Variants in NAA35 observed in about 807,000 individuals in gnomAD.
NAA35 encodes the protein MAK10 homolog, amino-acid N-acetyltransferase subunit.
A neutral mutation model predicts 101.7 loss-of-function variants in NAA35; 18 were observed. That is an observed-to-expected ratio of 0.18 (90% CI 0.12 to 0.26). The LOEUF is 0.26. NAA35 is among the 10% of genes least tolerant of loss of function. The pLI, the probability that NAA35 is intolerant of heterozygous loss-of-function variation, is 1.00. For synonymous variants in NAA35, 267 were observed against 273.1 expected, an observed-to-expected ratio of 0.98 and a Z score of 0.22; for missense variants, 601 against 886.8, an observed-to-expected ratio of 0.68 and a Z score of 4.09.
intron 3 of NAA35, 63 bp from the exon 4 acceptor site, chr9:85,958,409 T>G (rs962296057): frequency 1.4e-5 from 14 of 991,132 alleles, no homozygotes; most frequent in African/African-American, 3.3e-5. Flanking sequence ...TATACCGTTG[T>G]GAAAATATGA....
intron 6 of NAA35, among the ~76,000 whole-genome samples, chr9:85,964,621 T>C (rs1167990444): frequency 6.6e-6 from 1 of 152,254 alleles, no homozygotes; most frequent in East Asian, 1.9e-4. Flanking sequence ...TCTGGTGACA[T>C]TGATATTTTT....
At chr9:85,955,470 C>T (rs1037703966) in intron 2 of NAA35, among the ~76,000 whole-genome samples, 1 of 149,272 alleles carries the variant, frequency 6.7e-6, no homozygotes, top group Non-Finnish European at 1.5e-5. Context: ...TCACGCCATT[C>T]TCCTGCCTCA....
At chr9:86,012,763 T>C (rs1456291918) in intron 15 of NAA35, among the ~76,000 whole-genome samples, 1 of 152,222 alleles carries the variant, frequency 6.6e-6, no homozygotes, top group Non-Finnish European at 1.5e-5. Context: ...GGAAAGAAAT[T>C]GTCCTTGTGA....
intron 16 of NAA35, 48 bp from the exon 17 acceptor site, chr9:86,013,671 C>A: frequency 6.5e-7 from 1 of 1,542,610 alleles, no homozygotes. Context: ...TCTGTCATTA[C>A]CTTAAGAAAA....
In NAA35 at chr9:85,962,214, G is replaced by A. The variant is rs770263748; in HGVS notation, c.516+34G>A. On this transcript the variant is annotated intron_variant, in intron 6 of 22. Coordinates refer to ENST00000361671, the MANE Select transcript of NAA35 (RefSeq NM_024635.4). ...TCGTAATGTAAGAAATCCTTGGCCA[G>A]GTGCGGTGGCTCATGCCTGTAATCT... The A allele has an allele frequency of 3.1e-6, 5 of 1,601,660 alleles. No individual in the cohort carries two copies. The African/African-American group carries it at 5.4e-5, about 17-fold the overall frequency.
intron 2 of NAA35, among the ~76,000 whole-genome samples, chr9:85,947,105 A>G (rs940209761): frequency 4.6e-5 from 7 of 152,208 alleles, no homozygotes; most frequent in Admixed American, 6.5e-5. Context: ...GAACCACTGC[A>G]GTACATTAAA....
intron 17 of NAA35, among the ~76,000 whole-genome samples, chr9:86,016,266 C>T (rs1832218744): frequency 6.6e-6 from 1 of 151,912 alleles, no homozygotes; most frequent in Admixed American, 6.6e-5. Flanking sequence ...CTGAACTGAA[C>T]TGTGTTCTGA....
chr9:85,952,552 T>C (rs1829068866), intron 2 of NAA35, among the ~76,000 whole-genome samples: 1 of 152,192 alleles, frequency 6.6e-6, no homozygotes, highest in Non-Finnish European at 1.5e-5. Context: ...CCCAAAGTGC[T>C]GGGATTATAG....
intron 11 of NAA35, among the ~76,000 whole-genome samples, chr9:85,978,660 T>A (rs1216813270): frequency 6.6e-6 from 1 of 152,186 alleles, no homozygotes; most frequent in Non-Finnish European, 1.5e-5. Flanking sequence ...TTCTTCTTGC[T>A]GCCCAGAAAA....
At chr9:85,951,043 CAGG>C (rs1266672342) in intron 2 of NAA35, among the ~76,000 whole-genome samples, 2 of 150,684 alleles carry the variant, frequency 1.3e-5, no homozygotes, top group African/African-American at 4.9e-5. Context: ...GAGGCTGATG[CAGG>C]AGAATTGCTT....
chr9:85,953,890 C>A (rs1271227333), intron 2 of NAA35, among the ~76,000 whole-genome samples: 1 of 152,102 alleles, frequency 6.6e-6, no homozygotes, highest in Non-Finnish European at 1.5e-5. Flanking sequence ...GAATAATATT[C>A]CATTGTATGT....
chr9:86,018,883 C>A, intron 21 of NAA35, 62 bp downstream of exon 21: 8 of 1,573,484 alleles, frequency 5.1e-6, no homozygotes, highest in African/African-American at 1.4e-5. Flanking sequence ...TCTCTTACTG[C>A]TGGATGAAAG....
At chr9:85,948,317 C>G (rs1162582720) in intron 2 of NAA35, among the ~76,000 whole-genome samples, 1 of 152,160 alleles carries the variant, frequency 6.6e-6, no homozygotes, top group Non-Finnish European at 1.5e-5. Flanking sequence ...AATTCTACTT[C>G]TAGATTAATG....
intron 2 of NAA35, among the ~76,000 whole-genome samples, chr9:85,954,982 A>G (rs1157756604): frequency 6.6e-6 from 1 of 152,026 alleles, no homozygotes; most frequent in Non-Finnish European, 1.5e-5. Context: ...CAGTGGCACA[A>G]TCTCGGCTCA....
At chr9:86,013,674 TAAG>T (rs1165241500) in intron 16 of NAA35, 42 bp from the exon 17 acceptor site, 5 of 1,553,650 alleles carry the variant, frequency 3.2e-6, no homozygotes, top group South Asian at 2.4e-5. Flanking sequence ...GTCATTACCT[TAAG>T]AAAACAAAAC....
At chr9:85,968,762 AC>A (rs1361629256) in intron 6 of NAA35, among the ~76,000 whole-genome samples, 1 of 152,118 alleles carries the variant, frequency 6.6e-6, no homozygotes, top group Non-Finnish European at 1.5e-5. Flanking sequence ...ATCATATATT[AC>A]CTCTGCCCTT....
intron 11 of NAA35, among the ~76,000 whole-genome samples, chr9:85,994,367 G>A (rs1484895292): frequency 2.6e-5 from 4 of 152,082 alleles, no homozygotes; most frequent in African/African-American, 9.7e-5. Context: ...GAATTTCACT[G>A]TTCTAGGTCC....
intron 11 of NAA35, among the ~76,000 whole-genome samples, chr9:85,981,312 T>G (rs937337669): frequency 1.3e-5 from 2 of 152,176 alleles, no homozygotes; most frequent in African/African-American, 4.8e-5. Flanking sequence ...ACAGCAATAA[T>G]ACTTTTATGA....
intron 15 of NAA35, 127 bp from the exon 16 acceptor site, chr9:86,012,919 C>G: frequency 2.1e-6 from 1 of 472,934 alleles, no homozygotes; most frequent in Non-Finnish European, 3.6e-6. Context: ...TAAAAGTATA[C>G]ATAGACCTAA....
Sources: gnomAD v4.1 joint callset for allele counts (sites outside exome capture counted in the v4.1 genomes callset) on GRCh38, gnomAD v4.1.1 for gene constraint, MANE v1.5 for transcripts, NCBI Gene and HGNC (gene_info 2026-07-23, HGNC 2026-07-21) for gene names.